Variants in RPL21 observed in about 807,000 individuals in gnomAD.
RPL21 encodes large ribosomal subunit protein eL21.
In RPL21, 1 loss-of-function variant was observed where a neutral mutation model predicts 21.2. The observed-to-expected ratio is 0.05, with a 90% CI of 0.02 to 0.22. The LOEUF (loss-of-function observed/expected upper bound fraction) is 0.22, where lower values mean the gene tolerates loss of function less well. Ranked by LOEUF, RPL21 falls within the 10% of genes least tolerant of loss-of-function variation. The pLI, the probability that RPL21 is intolerant of heterozygous loss-of-function variation, is 1.00. For missense variants in RPL21, 113 were observed against 199.4 expected (o/e 0.57, Z 2.61); for synonymous variants, 52 against 62.9 (o/e 0.83, Z 0.82).
At chr13:27,256,141 A>T in intron 4 of RPL21, 43 bp from the exon 5 acceptor site, 1 of 1,476,906 alleles carries the variant, frequency 6.8e-7, no homozygotes, top group Non-Finnish European at 9.3e-7. Context: ...CATTTCTGTT[A>T]TATTTTTGTT....
intron 2 of RPL21, 67 bp downstream of exon 2, chr13:27,253,910 G>A: frequency 3.3e-6 from 3 of 917,170 alleles, no homozygotes; most frequent in Non-Finnish European, 5.5e-6. Context: ...TTCAACATGT[G>A]TTGTAGTTCA....
At chr13:27,253,346 CAAG>C (rs1881738125) in intron 1 of RPL21, among the ~76,000 whole-genome samples, 1 of 152,208 alleles carries the variant, frequency 6.6e-6, no homozygotes. Context: ...ATTTGGTTGA[CAAG>C]AAAGGTTTAA....
At chr13:27,253,305 A>G (rs1029930112) in intron 1 of RPL21, among the ~76,000 whole-genome samples, 2 of 152,256 alleles carry the variant, frequency 1.3e-5, no homozygotes, top group Non-Finnish European at 2.9e-5. Flanking sequence ...ATAGTTAAAT[A>G]GATGATGTTT....
At chr13:27,253,340 G>T (rs1487666837) in intron 1 of RPL21, among the ~76,000 whole-genome samples, 1 of 152,174 alleles carries the variant, frequency 6.6e-6, no homozygotes, top group Non-Finnish European at 1.5e-5. Flanking sequence ...CGGAAAATTT[G>T]GTTGACAAGA....
intron 1 of RPL21, among the ~76,000 whole-genome samples, chr13:27,252,647 A>G (rs925683920): frequency 6.6e-6 from 1 of 152,204 alleles, no homozygotes; most frequent in African/African-American, 2.4e-5. Flanking sequence ...ACTTAGCACA[A>G]GTTTTTGGAA....
chr13:27,253,623 C>A lies in RPL21; in HGVS notation c.-12-142C>A, dbSNP rs574938292. The A allele has an allele frequency of 9.5e-5, 62 of 655,574 alleles. No homozygotes were observed. In the East Asian group the frequency reaches 1.8e-3, roughly 19 times the overall value. The allele number at this position is 655,574 out of a possible 1,614,324, so 40.6% of individuals were successfully genotyped here. On this transcript the variant is annotated intron_variant, in intron 1 of 5. Transcript: ENST00000311549. ...CTAAAATAATGATTTTTTAACCTTT[C>A]AACAGAACTAACTGCTTGGTGATCC...
chr13:27,255,395 C>G (rs768433986), intron 4 of RPL21, 41 bp downstream of exon 4: 4 of 827,524 alleles, frequency 4.8e-6, no homozygotes, highest in Non-Finnish European at 8.7e-6. Flanking sequence ...CCAGTATTCC[C>G]TCATATACCC....
chr13:27,252,831 C>G (rs761010869), intron 1 of RPL21, among the ~76,000 whole-genome samples: 1 of 152,158 alleles, frequency 6.6e-6, no homozygotes, highest in Non-Finnish European at 1.5e-5. Flanking sequence ...TGTTGGTAAA[C>G]TTAGAAACCA....
At chr13:27,255,558 T>C (rs1333290209) in intron 4 of RPL21, 1 of 739,240 alleles carries the variant, frequency 1.4e-6, no homozygotes. Context: ...TCTTACACAG[T>C]TAGTTACTAA....
rs376852805 is a variant in RPL21 at position 27,256,533 on chromosome 13, TAAAA to T, written c.*16_*19del. ...TATGAATTCATGGCATAATAGGTGT[TAAAA>T]AAAAAAATAAAGGACCTCTGGGCTA... is the stretch of plus-strand genomic sequence containing the variant. On this transcript the variant is annotated 3_prime_UTR_variant, in exon 6 of 6. Coordinates refer to ENST00000311549, the MANE Select transcript of RPL21 (RefSeq NM_000982.4). 48 of 979,252 alleles carry T rather than the reference TAAAA, an allele frequency of 4.9e-5. No homozygotes were observed. Among genetic ancestry groups the T allele is most frequent in the Non-Finnish European group, 6.6e-5 (43 of 647,968 alleles). 60.7% of individuals were successfully genotyped at this position (979,252 alleles called of 1,614,324 possible). A position where few individuals can be genotyped will look rare whatever the true frequency, so the allele number is the denominator to read the frequency against.
rs1478317655 is a variant in RPL21, at chr13:27,256,509, A to T, written c.467A>T (p.Tyr156Phe). The change falls in exon 6 of 6, where the codon TAT becomes TTT. Residue 156 changes from tyrosine to phenylalanine, a missense_variant. Transcript: ENST00000311549. ...KEPELLEPIP[Y>F]EFMA The stretch of plus-strand genomic sequence containing the variant: ...CCTGAGCTGCTGGAACCTATTCCCT[A>T]TGAATTCATGGCATAATAGGTGTTA... 1 of 1,349,712 alleles carries T rather than the reference A, an allele frequency of 7.4e-7. No homozygotes were observed. The highest frequency in any genetic ancestry group is 2.3e-5 in the East Asian group (1 of 43,672). The allele number at this position is 1,349,712 out of a possible 1,614,324, so 83.6% of individuals were successfully genotyped here.
intron 2 of RPL21, 95 bp from the exon 3 acceptor site, chr13:27,254,124 CA>C (rs1881776805): frequency 2.4e-6 from 2 of 833,480 alleles, no homozygotes; most frequent in African/African-American, 1.7e-5. Flanking sequence ...ATGTAACCAT[CA>C]AAAATGATAT....
At chr13:27,253,906 A>C in intron 2 of RPL21, 63 bp downstream of exon 2, 1 of 950,612 alleles carries the variant, frequency 1.1e-6, no homozygotes, top group Non-Finnish European at 1.7e-6. Flanking sequence ...TGTGTTCAAC[A>C]TGTGTTGTAG....
At chr13:27,256,113 T>G in intron 4 of RPL21, 71 bp from the exon 5 acceptor site, 1 of 1,203,564 alleles carries the variant, frequency 8.3e-7, no homozygotes, top group Non-Finnish European at 1.2e-6. Flanking sequence ...TAAATGAAAC[T>G]GCAAAATCAG....
chr13:27,252,168 A>C (rs1449824475), intron 1 of RPL21, among the ~76,000 whole-genome samples: 3 of 152,146 alleles, frequency 2.0e-5, no homozygotes, highest in Non-Finnish European at 4.4e-5. Flanking sequence ...CACTGCCCTT[A>C]GTTAATGCAT....
intron 3 of RPL21, 22 bp from the exon 4 acceptor site, chr13:27,255,220 A>G (rs1450877859): frequency 2.2e-6 from 2 of 921,572 alleles, no homozygotes; most frequent in Non-Finnish European, 1.8e-6. Context: ...ATGCTGGTAT[A>G]TAACATTGGT....
Position 27,254,287 on chromosome 13 carries a change from C to T in RPL21, c.129+6C>T, listed in dbSNP as rs1314981098. The T allele has an allele frequency of 1.9e-6, 3 of 1,550,118 alleles. No individual in the cohort carries two copies. The highest frequency in any genetic ancestry group is 1.8e-6 in the Non-Finnish European group (2 of 1,125,176). On this transcript the variant is annotated splice_donor_region_variant and intron_variant, in intron 3 of 5. Coordinates refer to ENST00000311549, the MANE Select transcript of RPL21 (RefSeq NM_000982.4). ...GTGATATTGTAGACATCAAGGTAAACATAAAATTGGGAAAATAACACTACA... is the reference window on the plus strand; with the variant it reads ...GTGATATTGTAGACATCAAGGTAAATATAAAATTGGGAAAATAACACTACA...
At chr13:27,255,945 C>G (rs1881882743) in intron 4 of RPL21, 1 of 476,078 alleles carries the variant, frequency 2.1e-6, no homozygotes, top group Admixed American at 3.7e-5. Context: ...TTTTAGATTA[C>G]TAGAGTTTAA....
intron 1 of RPL21, among the ~76,000 whole-genome samples, chr13:27,252,991 G>A (rs757401256): frequency 3.3e-5 from 5 of 152,220 alleles, no homozygotes; most frequent in Non-Finnish European, 5.9e-5. Flanking sequence ...ACAAAGGAAA[G>A]GTTAATTTCT....
Sources: gnomAD v4.1 joint callset for allele counts (sites outside exome capture counted in the v4.1 genomes callset) on GRCh38, gnomAD v4.1.1 for gene constraint, MANE v1.5 for transcripts, NCBI Gene and HGNC (gene_info 2026-07-23, HGNC 2026-07-21) for gene names.